SRCIN1: variants seen among roughly 807,000 people sequenced by gnomAD.
SRCIN1 encodes the protein SRC kinase signaling inhibitor 1, also known as P130Cas-associated protein.
SRCIN1 carries 50 observed loss-of-function variants against 116.2 expected under a neutral mutation model. The ratio of observed to expected loss-of-function variants is 0.43; its 90% CI spans 0.34 to 0.54. SRCIN1 has a LOEUF of 0.54. Among genes scored for constraint, SRCIN1 ranks in the 20% least tolerant of loss-of-function variants. The pLI is 0.02. For synonymous variants in SRCIN1, 736 were observed against 750.0 expected (o/e 0.98, Z 0.30); for missense variants, 1,446 against 1,672.0 (o/e 0.86, Z 2.36).
At chr17:38,564,981 A>G (rs1256761181) in intron 3 of SRCIN1, among the ~76,000 whole-genome samples, 1 of 152,146 alleles carries the variant, frequency 6.6e-6, no homozygotes, top group Non-Finnish European at 1.5e-5. Flanking sequence ...TGTGACACAC[A>G]TGTGCCAGGC....
chr17:38,601,740 A>G (rs544485666), intron 1 of SRCIN1, among the ~76,000 whole-genome samples: 73 of 152,140 alleles, frequency 4.8e-4, no homozygotes, highest in African/African-American at 1.7e-3. Context: ...CTGACAGACC[A>G]TAATAGTTAA....
chr17:38,577,117 C>T (rs1907467024), intron 2 of SRCIN1, among the ~76,000 whole-genome samples: 2 of 152,170 alleles, frequency 1.3e-5, no homozygotes, highest in South Asian at 2.1e-4. Flanking sequence ...CTATGCAAAC[C>T]CTTTTCATCT....
Position 38,552,828 on chromosome 17 carries a change from G to T in SRCIN1, c.2229C>A (p.Ile743=), listed in dbSNP as rs545938494. Residue 743 remains isoleucine (I), a synonymous_variant, in exon 12 of 19, where the codon ATC becomes ATA. Coordinates refer to ENST00000617146, the MANE Select transcript of SRCIN1 (RefSeq NM_025248.3). The surrounding 1 kb of genome is among the most constrained non-coding windows in gnomAD (Gnocchi z 5.3). ...GGTGGTTGTGGGACACGTCTCTCTGGATCTTCTCCACCGATTTCTCCAGGT... is the reference window on the plus strand; with the variant it reads ...GGTGGTTGTGGGACACGTCTCTCTGTATCTTCTCCACCGATTTCTCCAGGT... The part of the protein sequence containing the change: ...LNDLEKSVEK[I]QRDVSHNHRL... The T allele has an allele frequency of 1.2e-5, 20 of 1,613,952 alleles. 1 individual carries two copies. In the South Asian group the frequency reaches 2.2e-4, roughly 18 times the overall value.
chr17:38,597,218 T>G (rs1343282058), intron 1 of SRCIN1, among the ~76,000 whole-genome samples: 1 of 152,226 alleles, frequency 6.6e-6, no homozygotes, highest in Non-Finnish European at 1.5e-5. Context: ...CTCATTGATG[T>G]GTCTAGCCCC....
intron 1 of SRCIN1, among the ~76,000 whole-genome samples, chr17:38,586,974 G>C (rs546801889): frequency 1.6e-4 from 25 of 151,928 alleles, no homozygotes; most frequent in Non-Finnish European, 3.2e-4. Flanking sequence ...AGATTTGAGG[G>C]GGTCAAGCTC....
At chr17:38,596,469 C>T (rs1205462073) in intron 1 of SRCIN1, among the ~76,000 whole-genome samples, 1 of 152,124 alleles carries the variant, frequency 6.6e-6, no homozygotes, top group Non-Finnish European at 1.5e-5. Flanking sequence ...ACTGGGTTCC[C>T]AGGACAGACA....
At chr17:38,594,221 C>T (rs758067440) in intron 1 of SRCIN1, among the ~76,000 whole-genome samples, 11 of 152,194 alleles carry the variant, frequency 7.2e-5, no homozygotes, top group East Asian at 1.9e-4. Flanking sequence ...CAAGTCTCTC[C>T]GCGTTCTCCT....
At chr17:38,570,438 A>AAC (rs373649969) in intron 2 of SRCIN1, among the ~76,000 whole-genome samples, 5 of 151,954 alleles carry the variant, frequency 3.3e-5, no homozygotes, top group Admixed American at 6.6e-5. Context: ...CGGCTATTGA[A>AAC]ACACACACAC....
rs571993166 is a variant in SRCIN1 at position 38,546,925 on chromosome 17, C to T, written c.3270+1632G>A. On this transcript the variant is annotated intron_variant, in intron 17 of 18. Transcript: ENST00000617146. The stretch of plus-strand genomic sequence containing the variant: ...CCTTCTCCAGAGCGGAGCCCCCCTG[C>T]CTCAACCTGACCTGGCAGAGAGAGA... Among the ~76,000 whole-genome samples, 13 of 152,286 alleles carry T rather than the reference C, an allele frequency of 8.5e-5. No homozygotes were observed. The East Asian group carries it at 1.2e-3, about 14-fold the overall frequency.
At chr17:38,536,746 A>G (rs528470815) in intron 18 of SRCIN1, among the ~76,000 whole-genome samples, 10 of 152,276 alleles carry the variant, frequency 6.6e-5, no homozygotes, top group African/African-American at 1.9e-4. Flanking sequence ...CCCAGCCCAG[A>G]GTGGGGGATG....
chr17:38,560,305 G>T, intron 8 of SRCIN1, 28 bp downstream of exon 8: 1 of 1,589,006 alleles, frequency 6.3e-7, no homozygotes, highest in Non-Finnish European at 8.6e-7. Flanking sequence ...CCTAGGCCCT[G>T]GCAGTGGTGT....
At chr17:38,590,043 C>T (rs1908356370) in intron 1 of SRCIN1, among the ~76,000 whole-genome samples, 1 of 152,142 alleles carries the variant, frequency 6.6e-6, no homozygotes, top group Non-Finnish European at 1.5e-5. Flanking sequence ...CCTGAGCTCT[C>T]CCATCAGAGC....
At chr17:38,599,211 G>A (rs1045151879) in intron 1 of SRCIN1, among the ~76,000 whole-genome samples, 2 of 152,134 alleles carry the variant, frequency 1.3e-5, no homozygotes, top group African/African-American at 4.8e-5. Flanking sequence ...CTTATACCAA[G>A]GACACTGAAG....
At chr17:38,603,115 A>G (rs1269304162) in intron 1 of SRCIN1, among the ~76,000 whole-genome samples, 5 of 152,156 alleles carry the variant, frequency 3.3e-5, no homozygotes, top group African/African-American at 9.7e-5. Context: ...CAGCCAAAGA[A>G]GGAATCAATG....
chr17:38,555,528 T>C (rs939764083), intron 11 of SRCIN1, among the ~76,000 whole-genome samples: 1 of 152,228 alleles, frequency 6.6e-6, no homozygotes, highest in Non-Finnish European at 1.5e-5. Context: ...TGGGAGCTTA[T>C]TTGTTATAGG....
intron 2 of SRCIN1, among the ~76,000 whole-genome samples, chr17:38,571,958 C>A (rs535491744): frequency 2.6e-5 from 4 of 152,190 alleles, no homozygotes; most frequent in Non-Finnish European, 5.9e-5. Context: ...TTTTCCCCCC[C>A]TCGGCCCTCA....
chr17:38,544,863 G>A lies in SRCIN1; in HGVS notation c.3271-894C>T, dbSNP rs1343841085. On this transcript the variant is annotated intron_variant, in intron 17 of 18. Transcript: ENST00000617146. The surrounding 1 kb of genome is among the most constrained non-coding windows in gnomAD (Gnocchi z 4.5). ...GGAAGGCAGCAGAGGAGGATGAAAA[G>A]CGGGCAGCCACCTGGGGGCGGAGGG... 1 of 151,776 alleles carries A rather than the reference G, an allele frequency of 6.6e-6. No homozygotes were observed. The highest frequency in any genetic ancestry group is 2.4e-5 in the African/African-American group (1 of 41,224). The allele number at this position is 151,776 out of a possible 1,614,324, so 9.4% of individuals were successfully genotyped here.
At chr17:38,584,818 G>A (rs1445794164) in intron 1 of SRCIN1, among the ~76,000 whole-genome samples, 1 of 152,154 alleles carries the variant, frequency 6.6e-6, no homozygotes, top group Non-Finnish European at 1.5e-5. Context: ...CACACATGAT[G>A]TCATCTGCAA....
intron 2 of SRCIN1, among the ~76,000 whole-genome samples, chr17:38,578,171 T>C (rs1907532006): frequency 6.6e-6 from 1 of 152,128 alleles, no homozygotes; most frequent in Non-Finnish European, 1.5e-5. Flanking sequence ...TCTCCTTTCC[T>C]CCCAGAAGAG....
Sources: gnomAD v4.1 joint callset for allele counts (sites outside exome capture counted in the v4.1 genomes callset) on GRCh38, gnomAD v4.1.1 for gene constraint, Gnocchi (gnomAD v3.1) non-coding constraint, MANE v1.5 for transcripts, NCBI Gene and HGNC (gene_info 2026-07-23, HGNC 2026-07-21) for gene names.